CEP128: variants seen among roughly 807,000 people sequenced by gnomAD.
CEP128 encodes centrosomal protein 128kDa.
In CEP128, 132 loss-of-function variants were observed where a neutral mutation model predicts 156.7. That is an observed-to-expected ratio of 0.84 (90% CI 0.73 to 0.97). CEP128 has a LOEUF of 0.97. CEP128 is among the 50% of genes least tolerant of loss of function. The probability of loss-of-function intolerance (pLI) is 0.00; values close to 1 mark genes in which losing one functional copy is unlikely to be tolerated. For synonymous variants in CEP128, 469 were observed against 448.9 expected, an observed-to-expected ratio of 1.04 and a Z score of -0.57; for missense variants, 1,252 against 1,281.9, an observed-to-expected ratio of 0.98 and a Z score of 0.36.
chr14:80,489,907 C>CAA (rs34425331), downstream of CEP128, among the ~76,000 whole-genome samples: 3 of 131,648 alleles, frequency 2.3e-5, no homozygotes, highest in African/African-American at 9.2e-5. Context: ...GTTTTATCAC[C>CAA]AAAAAAAAAA....
intron 19 of CEP128, among the ~76,000 whole-genome samples, chr14:80,728,222 G>T (rs1898093348): frequency 6.6e-6 from 1 of 152,152 alleles, no homozygotes; most frequent in Non-Finnish European, 1.5e-5. Context: ...GCAGCTAGAG[G>T]CTGTAATCCT....
chr14:80,743,858 T>C (rs1293383004), intron 18 of CEP128, among the ~76,000 whole-genome samples: 2 of 150,844 alleles, frequency 1.3e-5, no homozygotes, highest in Non-Finnish European at 3.0e-5. Flanking sequence ...CTTTCTTTCT[T>C]TCTCTCTCTC....
intron 19 of CEP128, among the ~76,000 whole-genome samples, chr14:80,656,117 C>T (rs978079192): frequency 6.6e-6 from 1 of 151,048 alleles, no homozygotes; most frequent in Non-Finnish European, 1.5e-5. Flanking sequence ...CTATCAAAAG[C>T]CTATCAAACA....
chr14:80,537,894 A>G (rs1889559303), intron 21 of CEP128, among the ~76,000 whole-genome samples: 3 of 152,200 alleles, frequency 2.0e-5, no homozygotes, highest in Admixed American at 6.5e-5. Context: ...GTGGATATTC[A>G]TAGTTCCAGT....
rs141488828 is a variant in CEP128 at position 80,841,481 on chromosome 14, G to A, written c.763-713C>T. On this transcript the variant is annotated intron_variant, in intron 9 of 24. Coordinates refer to ENST00000555265, the MANE Select transcript of CEP128 (RefSeq NM_152446.5). ...AGAAATTGAGTAAAGAGGCAGAGAG[G>A]CATCAACAAAATGAAAAATAATTTT... Among the ~76,000 whole-genome samples, 61 of 152,124 alleles carry A rather than the reference G, an allele frequency of 4.0e-4. 2 individuals carry two copies. Among genetic ancestry groups the A allele is most frequent in the African/African-American group, 1.4e-3 (60 of 41,538 alleles).
intron 20 of CEP128, among the ~76,000 whole-genome samples, chr14:80,579,202 C>T (rs1303543277): frequency 2.6e-5 from 4 of 152,138 alleles, no homozygotes; most frequent in African/African-American, 9.7e-5. Flanking sequence ...TCTCAATATA[C>T]ACATTTAGTG....
intron 23 of CEP128, among the ~76,000 whole-genome samples, chr14:80,514,409 TA>T (rs749520921): frequency 6.6e-6 from 1 of 151,658 alleles, no homozygotes; most frequent in African/African-American, 2.4e-5. Context: ...TGTACTTCAT[TA>T]TTTTTTTTTT....
intron 19 of CEP128, among the ~76,000 whole-genome samples, chr14:80,723,631 G>A (rs1387498307): frequency 6.6e-6 from 1 of 152,072 alleles, no homozygotes; most frequent in Admixed American, 6.6e-5. Context: ...AAATATTCAG[G>A]GCTAATTATG....
intron 21 of CEP128, among the ~76,000 whole-genome samples, chr14:80,537,033 C>T (rs1889515761): frequency 6.6e-6 from 1 of 152,134 alleles, no homozygotes; most frequent in South Asian, 2.1e-4. Flanking sequence ...TTCTATTTGT[C>T]TTCATATAAC....
At chr14:80,865,884 A>ACTG (rs1887745832) in intron 8 of CEP128, among the ~76,000 whole-genome samples, 1 of 152,148 alleles carries the variant, frequency 6.6e-6, no homozygotes, top group Admixed American at 6.5e-5. Flanking sequence ...TTGTCATTCC[A>ACTG]GTCAAGCCTT....
At chr14:80,942,586 T>G (rs1297903310), upstream of CEP128, among the ~76,000 whole-genome samples, 3 of 152,236 alleles carry the variant, frequency 2.0e-5, no homozygotes, top group African/African-American at 7.2e-5. Context: ...CTGTGAAAGC[T>G]TTCCTGGCTA....
chr14:80,843,948 C>T (rs988827043), intron 9 of CEP128, among the ~76,000 whole-genome samples: 1 of 151,968 alleles, frequency 6.6e-6, no homozygotes, highest in African/African-American at 2.4e-5. Context: ...TAAAAGGACT[C>T]TATGCATAAT....
At chr14:80,807,295 T>A (rs1402688204) in intron 13 of CEP128, among the ~76,000 whole-genome samples, 1 of 152,184 alleles carries the variant, frequency 6.6e-6, no homozygotes, top group Non-Finnish European at 1.5e-5. Flanking sequence ...ACCTATTAAT[T>A]TCTACTTATG....
At chr14:80,769,117 T>C (rs879581474) in intron 16 of CEP128, among the ~76,000 whole-genome samples, 3 of 152,190 alleles carry the variant, frequency 2.0e-5, no homozygotes, top group Non-Finnish European at 4.4e-5. Context: ...CAACTAGAGT[T>C]TCAAATTATG....
At chr14:80,946,392 G>GCATCATGATGATGCCTCATGATGC (rs1886345772), upstream of CEP128, among the ~76,000 whole-genome samples, 5 of 144,350 alleles carry the variant, frequency 3.5e-5, no homozygotes, top group African/African-American at 1.3e-4. Flanking sequence ...GCCTCATGAT[G>GCATCATGATGATGCCTCATGATGC]ATTTCCCTTT....
intron 19 of CEP128, among the ~76,000 whole-genome samples, chr14:80,674,213 C>G (rs1399942834): frequency 1.3e-5 from 2 of 151,692 alleles, no homozygotes; most frequent in African/African-American, 4.8e-5. Flanking sequence ...AAGGAGATAA[C>G]AACAAAATAA....
At chr14:80,598,325 T>C (rs553675281) in intron 19 of CEP128, among the ~76,000 whole-genome samples, 41 of 152,208 alleles carry the variant, frequency 2.7e-4, no homozygotes, top group African/African-American at 9.4e-4. Flanking sequence ...TAGGAGTGAA[T>C]GTGTAGACAT....
chr14:80,881,298 T>C (rs1475880573), intron 8 of CEP128, among the ~76,000 whole-genome samples: 1 of 152,184 alleles, frequency 6.6e-6, no homozygotes, highest in South Asian at 2.1e-4. Context: ...AGTAACTATA[T>C]GCCAATATAT....
intron 19 of CEP128, among the ~76,000 whole-genome samples, chr14:80,615,586 A>T (rs1288267855): frequency 6.6e-6 from 1 of 152,208 alleles, no homozygotes; most frequent in Non-Finnish European, 1.5e-5. Context: ...CCAAGAATAA[A>T]TTGCTAAGAA....
Sources: allele counts gnomAD v4.1 joint callset (sites outside exome capture counted in the v4.1 genomes callset), GRCh38; gene constraint gnomAD v4.1.1; transcripts MANE v1.5; gene names NCBI Gene and HGNC (gene_info 2026-07-23, HGNC 2026-07-21).